Variants in RYR2 observed in about 807,000 individuals in gnomAD.
The protein encoded by RYR2 is ryanodine receptor 2, also known as cardiac muscle ryanodine receptor-calcium release channel.
In RYR2, 227 loss-of-function variants were observed where a neutral mutation model predicts 601.1. That is an observed-to-expected ratio of 0.38 (90% confidence interval 0.34 to 0.42). The LOEUF (loss-of-function observed/expected upper bound fraction) is 0.42, where lower values mean the gene tolerates loss of function less well. Among genes scored for constraint, RYR2 ranks in the 10% least tolerant of loss-of-function variants. RYR2 has a pLI of 1.00. For missense variants in RYR2, 4,646 were observed against 6,156.5 expected (o/e 0.75, Z 8.21); for synonymous variants, 2,223 against 2,175.1 (o/e 1.02, Z -0.61).
chr1:237,319,307 A>C (rs757065513), intron 2 of RYR2, among the ~76,000 whole-genome samples: 7 of 152,132 alleles, frequency 4.6e-5, no homozygotes, highest in African/African-American at 7.2e-5. Flanking sequence ...AGGCACTCAG[A>C]GAGTTTCTCA....
At chr1:237,448,316 T>C (rs1313367465) in intron 14 of RYR2, among the ~76,000 whole-genome samples, 1 of 152,188 alleles carries the variant, frequency 6.6e-6, no homozygotes, top group Admixed American at 6.5e-5. Flanking sequence ...TTCCTGAGTA[T>C]TTTTCTGTTA....
intron 100 of RYR2, among the ~76,000 whole-genome samples, chr1:237,816,299 G>A (rs1422326430): frequency 6.6e-6 from 1 of 152,130 alleles, no homozygotes; most frequent in African/African-American, 2.4e-5. Flanking sequence ...TGGGAAAGAT[G>A]GTCTAACTAA....
At chr1:237,312,103 A>G (rs908501827) in intron 2 of RYR2, among the ~76,000 whole-genome samples, 8 of 152,186 alleles carry the variant, frequency 5.3e-5, no homozygotes, top group African/African-American at 1.9e-4. Context: ...CATAGAGACA[A>G]TAGATTGTCA....
At chr1:237,096,786 G>A (rs898185319) in intron 1 of RYR2, among the ~76,000 whole-genome samples, 3 of 152,210 alleles carry the variant, frequency 2.0e-5, no homozygotes, top group African/African-American at 7.2e-5. Context: ...GGCATGTTCG[G>A]AACCTGTTTT....
chr1:237,357,379 C>A (rs1024162259), intron 4 of RYR2, among the ~76,000 whole-genome samples: 4 of 152,138 alleles, frequency 2.6e-5, no homozygotes, highest in African/African-American at 7.2e-5. Flanking sequence ...TACAACATAG[C>A]CCTCTGTCTT....
intron 4 of RYR2, 47 bp downstream of exon 4, chr1:237,356,032 A>G (rs1450648349): frequency 1.3e-6 from 2 of 1,556,554 alleles, no homozygotes; most frequent in Non-Finnish European, 1.8e-6. Context: ...CTAAAAGTGC[A>G]TGCTTGCTCT....
chr1:237,086,235 TC>T (rs1161063266), intron 1 of RYR2, among the ~76,000 whole-genome samples: 1 of 152,222 alleles, frequency 6.6e-6, no homozygotes, highest in African/African-American at 2.4e-5. Context: ...CTAAAGCCTC[TC>T]CCCTTGACTC....
In RYR2 at chr1:237,344,794, G is replaced by A. The variant is rs138913120; in HGVS notation, c.274-11171G>A. Among the ~76,000 whole-genome samples the A allele has an allele frequency of 1.5e-3, 235 of 152,122 alleles. 1 individual carries two copies. The highest frequency in any genetic ancestry group is 5.4e-3 in the African/African-American group (224 of 41,516). ...TGTCTTGATTACTAGTAGCTTTATAGTAAGTCTTTTTTATTTATTTATTTA... is the reference window on the plus strand; with the variant it reads ...TGTCTTGATTACTAGTAGCTTTATAATAAGTCTTTTTTATTTATTTATTTA... On this transcript the variant is annotated intron_variant, in intron 3 of 104. Coordinates refer to ENST00000366574, the MANE Select transcript of RYR2 (RefSeq NM_001035.3).
At chr1:237,755,603 C>A (rs1389269011) in intron 80 of RYR2, among the ~76,000 whole-genome samples, 3 of 152,092 alleles carry the variant, frequency 2.0e-5, no homozygotes, top group African/African-American at 7.2e-5. Context: ...TTTTTATTTT[C>A]TTCTTTATGT....
At chr1:237,186,968 A>G (rs1679413604) in intron 1 of RYR2, among the ~76,000 whole-genome samples, 1 of 152,154 alleles carries the variant, frequency 6.6e-6, no homozygotes, top group Non-Finnish European at 1.5e-5. Flanking sequence ...GAGGAGACAC[A>G]TGCCTGAGAG....
chr1:237,083,706 C>G (rs1292511357), intron 1 of RYR2, among the ~76,000 whole-genome samples: 2 of 152,096 alleles, frequency 1.3e-5, no homozygotes, highest in Non-Finnish European at 2.9e-5. Flanking sequence ...TATTTCTCTG[C>G]CCCAAAATGC....
At position 237,680,590 on chromosome 1, in the gene RYR2, A is replaced by C. The variant is rs1685787217; in HGVS notation, c.9017+13A>C. On this transcript the variant is annotated intron_variant, in intron 62 of 104. Coordinates refer to ENST00000366574, the MANE Select transcript of RYR2 (RefSeq NM_001035.3). ...AAATGGTGACTAGGTAAACAGCTAT[A>C]AAAATAAGCACTGTTGTATGACTTA... 1.3e-6 allele frequency: 2 copies of C among 1,585,272 alleles called. No individual in the cohort carries two copies. The highest frequency in any genetic ancestry group is 2.7e-5 in the African/African-American group (2 of 74,290).
intron 27 of RYR2, among the ~76,000 whole-genome samples, chr1:237,557,810 C>T (rs1013159564): frequency 5.9e-5 from 9 of 152,006 alleles, no homozygotes; most frequent in East Asian, 1.9e-4. Context: ...CAAGTACATA[C>T]ACACTGGTTG....
At position 237,503,166 on chromosome 1, in the gene RYR2, A is replaced by G. The variant is rs1664845863; in HGVS notation, c.2397-123A>G. 3.9e-6 allele frequency: 3 copies of G among 775,304 alleles called. No homozygotes were observed. In the Admixed American group the frequency reaches 7.1e-5, roughly 18 times the overall value. The allele number at this position is 775,304 out of a possible 1,614,324, so 48.0% of individuals were successfully genotyped here. A position where few individuals can be genotyped will look rare whatever the true frequency, so the allele number is the denominator to read the frequency against. The stretch of plus-strand genomic sequence containing the variant: ...AGGTGATCACATTATGATGGTACGT[A>G]GGGGAAAATGTGGCTTCTGATAAAA... On this transcript the variant is annotated intron_variant, in intron 21 of 104. Transcript: ENST00000366574.
intron 48 of RYR2, 50 bp downstream of exon 48, chr1:237,643,497 C>G: frequency 6.2e-7 from 1 of 1,610,394 alleles, no homozygotes; most frequent in Non-Finnish European, 8.5e-7. Flanking sequence ...TGGATGACAT[C>G]ATGTTCTAAA....
chr1:237,753,401 C>T (rs552987742), intron 80 of RYR2, among the ~76,000 whole-genome samples: 2 of 152,162 alleles, frequency 1.3e-5, no homozygotes, highest in South Asian at 4.2e-4. Context: ...CACTCTTAGA[C>T]AAAATGAAAT....
chr1:237,307,087 C>T (rs1693952186), intron 2 of RYR2, among the ~76,000 whole-genome samples: 1 of 152,160 alleles, frequency 6.6e-6, no homozygotes, highest in African/African-American at 2.4e-5. Context: ...GATCCCATTT[C>T]GTGGGCTGTA....
intron 2 of RYR2, among the ~76,000 whole-genome samples, chr1:237,330,062 T>C (rs2808224): frequency 0.3 from 45,621 of 152,062 alleles, 7,098 homozygotes; most frequent in South Asian, 0.37. Context: ...TAATATTAAT[T>C]TGAGACAACT....
intron 14 of RYR2, among the ~76,000 whole-genome samples, chr1:237,454,092 G>A (rs941978543): frequency 2.6e-5 from 4 of 152,154 alleles, no homozygotes; most frequent in African/African-American, 7.2e-5. Flanking sequence ...GCTTTCCAAT[G>A]AAAATCAACT....
Sources: allele counts gnomAD v4.1 joint callset (sites outside exome capture counted in the v4.1 genomes callset), GRCh38; gene constraint gnomAD v4.1.1; transcripts MANE v1.5; gene names NCBI Gene and HGNC (gene_info 2026-07-23, HGNC 2026-07-21).